Variants in REC114 observed in about 807,000 individuals in gnomAD.
REC114 encodes meiotic recombination protein REC114.
REC114 carries 27 observed loss-of-function variants against 31.3 expected under a neutral mutation model. The ratio of observed to expected loss-of-function variants is 0.86; its 90% CI spans 0.64 to 1.19. The LOEUF (loss-of-function observed/expected upper bound fraction) is 1.19. Ranked by LOEUF, REC114 falls within the 50% of genes most tolerant of loss-of-function variation. The pLI is 0.00. For synonymous variants in REC114, 134 were observed against 127.7 expected (o/e 1.05, Z -0.33); for missense variants, 344 against 326.9 (o/e 1.05, Z -0.40).
rs75918191 is a variant in REC114, at chr15:73,496,082, G to A, written c.249+22161G>A. 8.8e-3 allele frequency among the ~76,000 whole-genome samples: 1,331 copies of A among 151,950 alleles called. 20 individuals are homozygous for A. The highest frequency in any genetic ancestry group is 0.03 in the African/African-American group (1,251 of 41,448). On this transcript the variant is annotated intron_variant, in intron 2 of 5. Coordinates refer to ENST00000331090, the MANE Select transcript of REC114 (RefSeq NM_001042367.2). ...ACTTATAAAAAAGTTGGCTGGGTGC[G>A]GTGGCTCACGGCTGTAATCCCAGCA...
chr15:73,521,107 A>G (rs747635372), intron 2 of REC114, among the ~76,000 whole-genome samples: 1 of 152,194 alleles, frequency 6.6e-6, no homozygotes, highest in Non-Finnish European at 1.5e-5. Context: ...AGCAGAGGTA[A>G]TGACTGGGTT....
chr15:73,548,690 G>T (rs931226007), intron 3 of REC114, among the ~76,000 whole-genome samples: 3 of 152,082 alleles, frequency 2.0e-5, no homozygotes, highest in African/African-American at 7.2e-5. Flanking sequence ...CCGTTACTTG[G>T]TATATAATCA....
intron 2 of REC114, among the ~76,000 whole-genome samples, chr15:73,524,935 G>A (rs956913999): frequency 1.7e-4 from 26 of 152,108 alleles, no homozygotes; most frequent in African/African-American, 6.0e-4. Context: ...TTTAACAAGT[G>A]GGATCTAGAT....
chr15:73,499,625 A>G (rs1893577256), intron 2 of REC114, among the ~76,000 whole-genome samples: 1 of 152,136 alleles, frequency 6.6e-6, no homozygotes, highest in African/African-American at 2.4e-5. Context: ...ATAATCATTT[A>G]AAAATACAAG....
intron 3 of REC114, among the ~76,000 whole-genome samples, chr15:73,543,824 C>T (rs67462834): frequency 0.37 from 56,038 of 151,742 alleles, 11,409 homozygotes; most frequent in Admixed American, 0.46. Flanking sequence ...CCCACCTTAC[C>T]GAATTGTCTA....
At chr15:73,454,556 C>T (rs1337560467) in intron 1 of REC114, among the ~76,000 whole-genome samples, 1 of 152,148 alleles carries the variant, frequency 6.6e-6, no homozygotes, top group Admixed American at 6.5e-5. Flanking sequence ...AGATTGAAAT[C>T]AGTATATCTA....
At chr15:73,546,606 A>T (rs1171909708) in intron 3 of REC114, among the ~76,000 whole-genome samples, 2 of 152,200 alleles carry the variant, frequency 1.3e-5, no homozygotes, top group Non-Finnish European at 2.9e-5. Context: ...CACAATATAT[A>T]TAACCTATAA....
intron 1 of REC114, among the ~76,000 whole-genome samples, chr15:73,455,577 C>T (rs1892904409): frequency 6.6e-6 from 1 of 152,050 alleles, no homozygotes; most frequent in Non-Finnish European, 1.5e-5. Flanking sequence ...GAGGGAAGAT[C>T]AATTCTGAGA....
In REC114 at chr15:73,443,433, G is replaced by A. The variant is rs1307931518; in HGVS notation, c.159+89G>A. ...AATACACTGGGCCAGTGCCCCGAAA[G>A]CAATGCCGAGGGGACACCGAGTGAC... On this transcript the variant is annotated intron_variant, in intron 1 of 5. Transcript: ENST00000331090. The A allele has an allele frequency of 5.7e-6, 8 of 1,405,112 alleles. No individual in the cohort carries two copies. In the Admixed American group the frequency reaches 7.9e-5, roughly 14 times the overall value. The allele number at this position is 1,405,112 out of a possible 1,614,324, so 87.0% of individuals were successfully genotyped here.
chr15:73,452,517 C>T (rs148298781), intron 1 of REC114, among the ~76,000 whole-genome samples: 2 of 152,214 alleles, frequency 1.3e-5, no homozygotes, highest in Non-Finnish European at 2.9e-5. Flanking sequence ...ATTCCATGCT[C>T]ATGGATAGGC....
intron 2 of REC114, among the ~76,000 whole-genome samples, chr15:73,482,300 T>C (rs1403194272): frequency 6.6e-6 from 1 of 152,138 alleles, no homozygotes; most frequent in Non-Finnish European, 1.5e-5. Context: ...CTCACGATAA[T>C]AAGTGAGTTC....
chr15:73,472,482 G>T (rs1054824235), intron 1 of REC114, among the ~76,000 whole-genome samples: 1 of 152,138 alleles, frequency 6.6e-6, no homozygotes, highest in Non-Finnish European at 1.5e-5. Context: ...CAAACCCCAC[G>T]TATGAAACTA....
chr15:73,463,896 TCTATCCATGGA>T (rs1395543808), intron 1 of REC114, among the ~76,000 whole-genome samples: 3 of 152,062 alleles, frequency 2.0e-5, no homozygotes, highest in Admixed American at 2.0e-4. Flanking sequence ...AAGATCTTCT[TCTATCCATGGA>T]ATTCAGGAAT....
rs774688747 is a variant in REC114, at chr15:73,544,277, T to C, written c.333+3709T>C. Among the ~76,000 whole-genome samples the C allele has an allele frequency of 2.0e-4, 31 of 152,342 alleles. 1 individual carries two copies. The South Asian group carries it at 6.4e-3, about 32-fold the overall frequency. ...ATTGACTTGATGTAATATGTTGACA[T>C]TGAACCAACAGATTCTTCTTTTGCC... On this transcript the variant is annotated intron_variant, in intron 3 of 5. Transcript: ENST00000331090.
In REC114 at chr15:73,494,600, C is replaced by T. The variant is rs1022531153; in HGVS notation, c.249+20679C>T. On this transcript the variant is annotated intron_variant, in intron 2 of 5. Transcript: ENST00000331090. ...CTTTAAGTATTAAAAAGAAATGTAC[C>T]TTTTCTCACCATAGGATAACAGTTA... Among the ~76,000 whole-genome samples, 4 of 151,636 alleles carry T rather than the reference C, an allele frequency of 2.6e-5. No individual in the cohort carries two copies. In the East Asian group the frequency reaches 7.7e-4, roughly 29 times the overall value.
At chr15:73,499,085 A>G (rs903402907) in intron 2 of REC114, among the ~76,000 whole-genome samples, 9 of 152,054 alleles carry the variant, frequency 5.9e-5, no homozygotes, top group African/African-American at 1.9e-4. Context: ...TCATTGGTCT[A>G]CCAAGTATCT....
chr15:73,549,023 T>C (rs1894352369), intron 3 of REC114, among the ~76,000 whole-genome samples: 2 of 151,808 alleles, frequency 1.3e-5, no homozygotes, highest in Admixed American at 1.3e-4. Context: ...ACTGGGGCCT[T>C]TTGGAGGTAG....
chr15:73,545,684 T>A (rs144683228), intron 3 of REC114, among the ~76,000 whole-genome samples: 1 of 152,218 alleles, frequency 6.6e-6, no homozygotes, highest in African/African-American at 2.4e-5. Context: ...ACCCTAGCTA[T>A]CCAAACTGAT....
chr15:73,540,447 T>A (rs1171954334), intron 2 of REC114, 38 bp from the exon 3 acceptor site: 1 of 1,409,430 alleles, frequency 7.1e-7, no homozygotes, highest in East Asian at 2.3e-5. Flanking sequence ...CTTCATATTT[T>A]TGTTTCTGTT....
Sources: allele counts gnomAD v4.1 joint callset (sites outside exome capture counted in the v4.1 genomes callset), GRCh38; gene constraint gnomAD v4.1.1; transcripts MANE v1.5; gene names NCBI Gene and HGNC (gene_info 2026-07-23, HGNC 2026-07-21).